The following PDZRN3 variants were observed in gnomAD, a reference collection of about 807,000 sequenced individuals.
The protein encoded by PDZRN3 is PDZ domain containing ring finger 3, also known as E3 ubiquitin-protein ligase PDZRN3.
PDZRN3 carries 38 observed loss-of-function variants against 85.7 expected under a neutral mutation model. The observed-to-expected ratio is 0.44, with a 90% CI of 0.34 to 0.58. PDZRN3 has a LOEUF of 0.58. Among genes scored for constraint, PDZRN3 ranks in the 20% least tolerant of loss-of-function variants. The pLI, the probability that PDZRN3 is intolerant of heterozygous loss-of-function variation, is 0.01. For missense variants in PDZRN3, 1,629 were observed against 1,506.4 expected, an observed-to-expected ratio of 1.08 and a Z score of -1.35; for synonymous variants, 759 against 638.0, an observed-to-expected ratio of 1.19 and a Z score of -2.86.
At chr3:73,411,144 A>G (rs1701958826) in intron 3 of PDZRN3, among the ~76,000 whole-genome samples, 3 of 152,232 alleles carry the variant, frequency 2.0e-5, no homozygotes, top group Non-Finnish European at 4.4e-5. Context: ...TAAAAATAGT[A>G]TCAAGGACAG....
At chr3:73,543,542 C>G (rs552684506) in intron 3 of PDZRN3, among the ~76,000 whole-genome samples, 1 of 152,368 alleles carries the variant, frequency 6.6e-6, no homozygotes, top group South Asian at 2.1e-4. Flanking sequence ...CTCTCTCTTT[C>G]TCTTTACTAG....
intron 3 of PDZRN3, among the ~76,000 whole-genome samples, chr3:73,568,045 A>T (rs1701979166): frequency 6.6e-6 from 1 of 152,232 alleles, no homozygotes; most frequent in Non-Finnish European, 1.5e-5. Context: ...TAGAGAAATC[A>T]GGCATGGCTT....
chr3:73,565,818 C>T (rs766680111), intron 3 of PDZRN3, among the ~76,000 whole-genome samples: 1,064 of 92,060 alleles, frequency 0.012, 12 homozygotes, highest in Non-Finnish European at 0.017. Flanking sequence ...CACACACACA[C>T]ACACACACAC....
chr3:73,551,419 A>T lies in PDZRN3; in HGVS notation c.918+50935T>A, dbSNP rs541732267. On this transcript the variant is annotated intron_variant, in intron 3 of 9. Coordinates refer to ENST00000263666, the MANE Select transcript of PDZRN3 (RefSeq NM_015009.3). Reference sequence around the variant, plus strand: ...TTACGGAGGCCAGGAGTGGTGACTCACACCTGTAATCCTAGCACTTTGGGA... The same window carrying T: ...TTACGGAGGCCAGGAGTGGTGACTCTCACCTGTAATCCTAGCACTTTGGGA... 7.2e-5 allele frequency among the ~76,000 whole-genome samples: 11 copies of T among 152,306 alleles called. No homozygotes were observed. In the East Asian group the frequency reaches 2.1e-3, roughly 29 times the overall value.
At position 73,587,586 on chromosome 3, in the gene PDZRN3, A is replaced by T. The variant is rs530176863; in HGVS notation, c.918+14768T>A. Among the ~76,000 whole-genome samples, 4 of 152,356 alleles carry T rather than the reference A, an allele frequency of 2.6e-5. No individual in the cohort carries two copies. In the East Asian group the frequency reaches 7.7e-4, roughly 29 times the overall value. On this transcript the variant is annotated intron_variant, in intron 3 of 9. Coordinates refer to ENST00000263666, the MANE Select transcript of PDZRN3 (RefSeq NM_015009.3). ...TCCCCAATTTCTGGTCAGTAACATTAATATTTATCTTCCTGCCTCTGAAGT... is the reference window on the plus strand; with the variant it reads ...TCCCCAATTTCTGGTCAGTAACATTTATATTTATCTTCCTGCCTCTGAAGT...
chr3:73,422,637 TCATGGACAACTTTGAGAAAAAGGATG>T (rs2106779810), intron 3 of PDZRN3, among the ~76,000 whole-genome samples: 1 of 152,286 alleles, frequency 6.6e-6, no homozygotes, highest in South Asian at 2.1e-4. Context: ...TTCTGAGACT[TCATGGACAACTTTGAGAAAAAGGATG>T]CATGGACCCT....
Position 73,619,875 on chromosome 3 carries a change from CAAG to C in PDZRN3, c.723+4225_723+4227del, listed in dbSNP as rs1702826442. Reference sequence around the variant, plus strand: ...AGGTAAAGAAGGAATTGAAGAGGAGCAAGAAGATTTGTAGAGGAAAGAGTTATG... The same window carrying C: ...AGGTAAAGAAGGAATTGAAGAGGAGCAAGATTTGTAGAGGAAAGAGTTATG... On this transcript the variant is annotated intron_variant, in intron 1 of 9. Transcript: ENST00000263666. Among the ~76,000 whole-genome samples the C allele has an allele frequency of 8.5e-5, 13 of 152,264 alleles. 1 individual carries two copies. The South Asian group carries it at 2.7e-3, about 32-fold the overall frequency.
At chr3:73,461,314 T>G (rs1365535088) in intron 3 of PDZRN3, among the ~76,000 whole-genome samples, 2 of 152,246 alleles carry the variant, frequency 1.3e-5, no homozygotes, top group Non-Finnish European at 2.9e-5. Context: ...TTTTGCAGCA[T>G]TCTTAGTCAA....
Position 73,384,205 on chromosome 3 carries a change from G to T in PDZRN3, c.2361C>A (p.Ser787Arg), listed in dbSNP as rs1165465538. 2 of 1,613,926 alleles carry T rather than the reference G, an allele frequency of 1.2e-6. No homozygotes were observed. Among genetic ancestry groups the T allele is most frequent in the Admixed American group, 3.3e-5 (2 of 60,030 alleles). ...NSLRRAAEGISCPSSEGAVGT... is the reference protein window; with the variant it reads ...NSLRRAAEGIRCPSSEGAVGT... Reference sequence around the variant, plus strand: ...CCACAGCCCCTTCGCTGCTCGGGCAGCTGATGCCCTCCGCCGCTCTCCTCA... The same window carrying T: ...CCACAGCCCCTTCGCTGCTCGGGCATCTGATGCCCTCCGCCGCTCTCCTCA... The change falls in exon 10 of 10, where the codon AGC (serine) becomes AGA (arginine). Residue 787 changes from serine (S) to arginine (R), a missense_variant. Coordinates refer to ENST00000263666, the MANE Select transcript of PDZRN3 (RefSeq NM_015009.3).
chr3:73,412,485 G>A (rs1701994065), intron 3 of PDZRN3, among the ~76,000 whole-genome samples: 1 of 152,212 alleles, frequency 6.6e-6, no homozygotes, highest in Non-Finnish European at 1.5e-5. Flanking sequence ...TGTCACCATA[G>A]TCATTTACAT....
At chr3:73,560,553 C>T (rs1388557710) in intron 3 of PDZRN3, among the ~76,000 whole-genome samples, 4 of 152,232 alleles carry the variant, frequency 2.6e-5, no homozygotes, top group Non-Finnish European at 5.9e-5. Flanking sequence ...ATGTCAGACA[C>T]ATTTTGCTCC....
intron 3 of PDZRN3, among the ~76,000 whole-genome samples, chr3:73,488,559 C>G (rs1185682339): frequency 1.3e-5 from 2 of 152,208 alleles, no homozygotes; most frequent in African/African-American, 4.8e-5. Context: ...CAAGAAGCCA[C>G]CTGCCTACCA....
At chr3:73,395,283 A>T (rs1701612314) in intron 5 of PDZRN3, among the ~76,000 whole-genome samples, 1 of 152,242 alleles carries the variant, frequency 6.6e-6, no homozygotes, top group South Asian at 2.1e-4. Flanking sequence ...ATATTGCTGA[A>T]AGCATAGAAG....
At chr3:73,518,684 G>C (rs556681499) in intron 3 of PDZRN3, among the ~76,000 whole-genome samples, 1 of 152,104 alleles carries the variant, frequency 6.6e-6, no homozygotes, top group African/African-American at 2.4e-5. Flanking sequence ...TCAAGGCACT[G>C]GAAGATTTAG....
chr3:73,620,971 A>G (rs1702849741), intron 1 of PDZRN3, among the ~76,000 whole-genome samples: 1 of 152,266 alleles, frequency 6.6e-6, no homozygotes, highest in Non-Finnish European at 1.5e-5. Flanking sequence ...GTGAAGACCA[A>G]TACATGTTTG....
chr3:73,400,120 C>T (rs1355298208), intron 5 of PDZRN3, among the ~76,000 whole-genome samples: 1 of 152,146 alleles, frequency 6.6e-6, no homozygotes, highest in Non-Finnish European at 1.5e-5. Context: ...TGATGGTACC[C>T]AAGGGCTTAC....
At chr3:73,488,678 C>T (rs1336730387) in intron 3 of PDZRN3, among the ~76,000 whole-genome samples, 1 of 152,234 alleles carries the variant, frequency 6.6e-6, no homozygotes, top group Non-Finnish European at 1.5e-5. Flanking sequence ...GAGGCATCTT[C>T]CTATCTTTCT....
Position 73,388,045 on chromosome 3 carries a change from G to C in PDZRN3, c.1441C>G (p.Arg481Gly). The change falls in exon 8 of 10, where the codon CGT (arginine) becomes GGT (glycine). Residue 481 changes from arginine (R) to glycine (G), a missense_variant. Arg to Gly is a moderately radical substitution (Grantham distance 125). Coordinates refer to ENST00000263666, the MANE Select transcript of PDZRN3 (RefSeq NM_015009.3). The stretch of plus-strand genomic sequence containing the variant: ...GTTAGAAGAGCCACAGCCTCTTCAC[G>C]GTTCTGCACCTCTATCCCATTAATC... ...IQINGIEVQNREEAVALLTSE... is the reference protein window; with the variant it reads ...IQINGIEVQNGEEAVALLTSE... 1 of 1,506,586 alleles carries C rather than the reference G, an allele frequency of 6.6e-7. No individual in the cohort carries two copies. Among genetic ancestry groups the C allele is most frequent in the Non-Finnish European group, 9.0e-7 (1 of 1,107,830 alleles). 93.3% of individuals were successfully genotyped at this position (1,506,586 alleles called of 1,614,324 possible). A position where few individuals can be genotyped will look rare whatever the true frequency, so the allele number is the denominator to read the frequency against.
intron 3 of PDZRN3, among the ~76,000 whole-genome samples, chr3:73,532,104 C>A (rs1257531594): frequency 6.6e-6 from 1 of 152,136 alleles, no homozygotes; most frequent in African/African-American, 2.4e-5. Context: ...AGGTTCACGC[C>A]ATTCTCCTGC....
Sources: allele counts gnomAD v4.1 joint callset (sites outside exome capture counted in the v4.1 genomes callset), GRCh38; gene constraint gnomAD v4.1.1; transcripts MANE v1.5; gene names NCBI Gene and HGNC (gene_info 2026-07-23, HGNC 2026-07-21).